The following DNAJB12 variants were observed in gnomAD, a reference collection of about 807,000 sequenced individuals.
DNAJB12 encodes dnaJ homolog subfamily B member 12.
A neutral mutation model predicts 40.6 loss-of-function variants in DNAJB12; 14 were observed. The observed-to-expected ratio is 0.34, with a 90% CI of 0.23 to 0.54. The LOEUF is 0.54. DNAJB12 is among the 20% of genes least tolerant of loss of function. The pLI, the probability that DNAJB12 is intolerant of heterozygous loss-of-function variation, is 0.92. For synonymous variants in DNAJB12, 181 were observed against 199.5 expected (o/e 0.91, Z 0.78); for missense variants, 444 against 501.7 (o/e 0.89, Z 1.10).
rs1476932371 is a variant in DNAJB12 at position 72,341,173 on chromosome 10, G to A, written c.458-3C>T. ...TACCGCATATGCTGTGCCAATGGCT[G>A]GAGAGGAGGAGGAAAGGTCAGGCCT... On this transcript the variant is annotated splice_polypyrimidine_tract_variant and splice_region_variant and intron_variant, in intron 3 of 8. Transcript: ENST00000444643. 1.9e-6 allele frequency: 3 copies of A among 1,600,400 alleles called. No individual in the cohort carries two copies. The highest frequency in any genetic ancestry group is 2.6e-6 in the Non-Finnish European group (3 of 1,168,958).
intron 5 of DNAJB12, among the ~76,000 whole-genome samples, chr10:72,338,637 C>T (rs536820140): frequency 4.3e-4 from 65 of 151,570 alleles, no homozygotes; most frequent in Non-Finnish European, 8.5e-4. Context: ...GCAGTATATA[C>T]AAGTTTTTGA....
At chr10:72,354,531 C>T (rs1862014283) in intron 1 of DNAJB12, among the ~76,000 whole-genome samples, 1 of 152,238 alleles carries the variant, frequency 6.6e-6, no homozygotes, top group Admixed American at 6.5e-5. Context: ...CCAGCGGGCT[C>T]CGCCAGCACC....
intron 1 of DNAJB12, among the ~76,000 whole-genome samples, chr10:72,346,180 T>C (rs1265148522): frequency 6.6e-6 from 1 of 152,224 alleles, no homozygotes; most frequent in Non-Finnish European, 1.5e-5. Context: ...GTTTGTTTAT[T>C]TGAGATAGAG....
intron 1 of DNAJB12, among the ~76,000 whole-genome samples, chr10:72,352,959 T>A (rs547996987): frequency 6.6e-6 from 1 of 152,350 alleles, no homozygotes; most frequent in Non-Finnish European, 1.5e-5. Context: ...GATCTTTCCC[T>A]GTCCCAGACC....
intron 3 of DNAJB12, among the ~76,000 whole-genome samples, chr10:72,342,555 G>T (rs1861668824): frequency 6.6e-6 from 1 of 152,172 alleles, no homozygotes. Flanking sequence ...CCAGGTCTCG[G>T]AGTCTCCTCT....
chr10:72,351,890 C>T lies in DNAJB12; in HGVS notation c.133+2875G>A, dbSNP rs938902818. Among the ~76,000 whole-genome samples the T allele has an allele frequency of 3.9e-5, 6 of 152,234 alleles. No individual in the cohort carries two copies. The South Asian group carries it at 1.2e-3, about 32-fold the overall frequency. ...ACCTCCCACTCTGCTCATCTCTTCCCATCTCAGTTCTTCAGCCTGGTTTCT... is the reference window on the plus strand; with the variant it reads ...ACCTCCCACTCTGCTCATCTCTTCCTATCTCAGTTCTTCAGCCTGGTTTCT... On this transcript the variant is annotated intron_variant, in intron 1 of 8. Coordinates refer to ENST00000444643, the MANE Select transcript of DNAJB12 (RefSeq NM_017626.7).
intron 1 of DNAJB12, among the ~76,000 whole-genome samples, chr10:72,347,829 C>A (rs1317657217): frequency 6.6e-6 from 1 of 150,400 alleles, no homozygotes; most frequent in Non-Finnish European, 1.5e-5. Context: ...AGCAGGATGG[C>A]TTGAATCTGG....
Position 72,334,268 on chromosome 10 carries a change from T to C in DNAJB12, c.*380A>G. ...GCTTCTCCTGAGAGGTGGCTGGTGG[T>C]GGCTCCTGTGAGGGAGGAAAGGCAG... On this transcript the variant is annotated 3_prime_UTR_variant, in exon 9 of 9. Coordinates refer to ENST00000444643, the MANE Select transcript of DNAJB12 (RefSeq NM_017626.7). 1 of 417,380 alleles carries C rather than the reference T, an allele frequency of 2.4e-6. No homozygotes were observed. Among genetic ancestry groups the C allele is most frequent in the South Asian group, 2.5e-5 (1 of 39,626 alleles). 25.9% of individuals were successfully genotyped at this position (417,380 alleles called of 1,614,324 possible).
In DNAJB12 at chr10:72,334,971, C is replaced by T. The variant is rs756721164; in HGVS notation, c.*31-354G>A. On this transcript the variant is annotated intron_variant, in intron 8 of 8. Transcript: ENST00000444643. The stretch of plus-strand genomic sequence containing the variant: ...AACAGAGCCCAGCGCCCCCATTCGC[C>T]GGGCTGCAGAAGGAGGGAGCCTGCT... The T allele has an allele frequency of 1.6e-5, 18 of 1,124,884 alleles. No homozygotes were observed. The East Asian group carries it at 3.7e-4, about 23-fold the overall frequency. The allele number at this position is 1,124,884 out of a possible 1,614,324, so 69.7% of individuals were successfully genotyped here.
intron 3 of DNAJB12, 27 bp from the exon 4 acceptor site, chr10:72,341,197 C>A: frequency 6.3e-6 from 10 of 1,591,764 alleles, no homozygotes; most frequent in Non-Finnish European, 8.6e-6. Context: ...AAGGTCAGGC[C>A]TGAGGATCCT....
Position 72,334,534 on chromosome 10 carries a change from T to G in DNAJB12, c.*114A>C. On this transcript the variant is annotated 3_prime_UTR_variant, in exon 9 of 9. Coordinates refer to ENST00000444643, the MANE Select transcript of DNAJB12 (RefSeq NM_017626.7). ...GCCTCCAATTCCATTTTAATTTTGT[T>G]TCTTTGTTTGTCTTTCCTCAAATAT... is the stretch of plus-strand genomic sequence containing the variant. 1 of 1,531,046 alleles carries G rather than the reference T, an allele frequency of 6.5e-7. No homozygotes were observed. The highest frequency in any genetic ancestry group is 8.8e-7 in the Non-Finnish European group (1 of 1,142,474). 94.8% of individuals were successfully genotyped at this position (1,531,046 alleles called of 1,614,324 possible).
chr10:72,342,765 G>T (rs1205856823), intron 3 of DNAJB12, among the ~76,000 whole-genome samples: 1 of 152,232 alleles, frequency 6.6e-6, no homozygotes, highest in African/African-American at 2.4e-5. Flanking sequence ...CAGTACACAT[G>T]AGCGCCTGAC....
Position 72,343,386 on chromosome 10 carries a change from C to G in DNAJB12, c.437G>C (p.Gly146Ala). 6.2e-7 allele frequency: 1 copy of G among 1,613,764 alleles called. No individual in the cohort carries two copies. Among genetic ancestry groups the G allele is most frequent in the Admixed American group, 1.7e-5 (1 of 59,980 alleles). The change falls in exon 3 of 9, where the codon GGT becomes GCT. Residue 146 changes from glycine (G) to alanine (A), a missense_variant. Physicochemically the swap from Gly to Ala is moderately conservative, Grantham distance 60. Coordinates refer to ENST00000444643, the MANE Select transcript of DNAJB12 (RefSeq NM_017626.7). ...CTTACCTTTGAAGGCTTCAGTGGCA[C>G]CAGGTGCGTGGTTCTTGTCTGGGTG... ...KFHPDKNHAP[G>A]ATEAFKAIGT...
rs959770577 is a variant in DNAJB12, at chr10:72,334,602, C to T, written c.*46G>A. 19 of 1,533,978 alleles carry T rather than the reference C, an allele frequency of 1.2e-5. No individual in the cohort carries two copies. Among genetic ancestry groups the T allele is most frequent in the Non-Finnish European group, 1.6e-5 (18 of 1,146,336 alleles). ...CTCAGTGCATGTCACCAAAAATTCTCCAGGGATTTCATAGTCTGGGGAGGA... is the reference window on the plus strand; with the variant it reads ...CTCAGTGCATGTCACCAAAAATTCTTCAGGGATTTCATAGTCTGGGGAGGA... On this transcript the variant is annotated 3_prime_UTR_variant, in exon 9 of 9. Transcript: ENST00000444643.
In DNAJB12 at chr10:72,347,655, C is replaced by G. The variant is rs571662667; in HGVS notation, c.134-2528G>C. On this transcript the variant is annotated intron_variant, in intron 1 of 8. Coordinates refer to ENST00000444643, the MANE Select transcript of DNAJB12 (RefSeq NM_017626.7). ...GCCCGGCTGGGCGCTGTGGCTCACG[C>G]CTGTAATCCCAACACTTTGGGAGGC... 4.6e-5 allele frequency among the ~76,000 whole-genome samples: 7 copies of G among 152,366 alleles called. No individual in the cohort carries two copies. The East Asian group carries it at 1.4e-3, about 29-fold the overall frequency.
intron 1 of DNAJB12, among the ~76,000 whole-genome samples, chr10:72,346,294 G>T (rs905071984): frequency 1.3e-5 from 2 of 151,508 alleles, no homozygotes; most frequent in African/African-American, 4.9e-5. Context: ...CTCCTGAGTA[G>T]CTGGTACTAC....
At chr10:72,344,538 C>G (rs1861728715) in intron 2 of DNAJB12, among the ~76,000 whole-genome samples, 1 of 152,232 alleles carries the variant, frequency 6.6e-6, no homozygotes, top group African/African-American at 2.4e-5. Flanking sequence ...CCATTCTACC[C>G]CACACAGGCT....
chr10:72,336,655 C>A lies in DNAJB12; in HGVS notation c.875G>T (p.Gly292Val). 2 of 1,614,134 alleles carry A rather than the reference C, an allele frequency of 1.2e-6. No individual in the cohort carries two copies. The highest frequency in any genetic ancestry group is 1.7e-6 in the Non-Finnish European group (2 of 1,179,990). ...AGTGTCTCCCACATAGTAGACGACA[C>A]CCAGGTGGTCAGTGACTCGCCTGTG... ...HIHRRVTDHL[G>V]VVYYVGDTFS... Residue 292 changes from glycine (G) to valine (V), a missense_variant, in exon 7 of 9, where the codon GGT becomes GTT. By Grantham distance (109) the Gly-to-Val change is moderately radical. Coordinates refer to ENST00000444643, the MANE Select transcript of DNAJB12 (RefSeq NM_017626.7).
chr10:72,343,858 A>G (rs1861710315), intron 2 of DNAJB12, among the ~76,000 whole-genome samples: 1 of 150,668 alleles, frequency 6.6e-6, no homozygotes, highest in African/African-American at 2.4e-5. Context: ...TCCCAAGCTC[A>G]GCCAACCGAC....
Sources: allele counts gnomAD v4.1 joint callset (sites outside exome capture counted in the v4.1 genomes callset), GRCh38; gene constraint gnomAD v4.1.1; transcripts MANE v1.5; gene names NCBI Gene and HGNC (gene_info 2026-07-23, HGNC 2026-07-21).